PARP16: variants seen among roughly 807,000 people sequenced by gnomAD.
PARP16 encodes poly(ADP-ribose) polymerase family member 16, also known as protein mono-ADP-ribosyltransferase PARP16.
PARP16 carries 31 observed loss-of-function variants against 35.0 expected under a neutral mutation model. The ratio of observed to expected loss-of-function variants is 0.88; its 90% CI spans 0.66 to 1.19. The LOEUF is 1.19. Among genes scored for constraint, PARP16 ranks in the 50% most tolerant of loss-of-function variants. PARP16 has a pLI of 0.00. For synonymous variants in PARP16, 162 were observed against 169.5 expected, an observed-to-expected ratio of 0.96 and a Z score of 0.34; for missense variants, 424 against 411.2, an observed-to-expected ratio of 1.03 and a Z score of -0.27.
At position 65,250,084 on chromosome 15, in the gene PARP16, G is replaced by C. The variant is rs2089315139; in HGVS notation, c.203-1856C>G. ...CTTCTTTGCTCAGACAGCCCCTCTA[G>C]CTGCAGCCTTGCACCTGCTTGCCTT... On this transcript the variant is annotated intron_variant and NMD_transcript_variant, in intron 2 of 3. Transcript: ENST00000559805. 2.8e-5 allele frequency among the ~76,000 whole-genome samples: 4 copies of C among 145,170 alleles called. No individual in the cohort carries two copies. In the South Asian group the frequency reaches 8.6e-4, roughly 31 times the overall value.
downstream of PARP16, among the ~76,000 whole-genome samples, chr15:65,253,783 C>T (rs2089425242): frequency 1.3e-5 from 2 of 152,276 alleles, no homozygotes; most frequent in South Asian, 4.1e-4. Flanking sequence ...TAGTCCCTGT[C>T]CTCAAGGAGC....
chr15:65,250,740 C>T (rs963002374), intron 2 of PARP16, among the ~76,000 whole-genome samples: 4 of 152,170 alleles, frequency 2.6e-5, no homozygotes, highest in Admixed American at 6.5e-5. Flanking sequence ...TTGCTGCTTC[C>T]GGACTTTGAT....
chr15:65,278,765 A>G (rs2090333306), intron 1 of PARP16, among the ~76,000 whole-genome samples: 1 of 152,238 alleles, frequency 6.6e-6, no homozygotes. Flanking sequence ...GCAGCAGGAA[A>G]GAACAAACAT....
At chr15:65,276,163 T>C (rs1179729548) in intron 1 of PARP16, among the ~76,000 whole-genome samples, 2 of 152,164 alleles carry the variant, frequency 1.3e-5, no homozygotes, top group East Asian at 3.9e-4. Context: ...CAACTGACCT[T>C]CTTTATGTCC....
At chr15:65,267,998 AAC>A (rs894598737) in intron 2 of PARP16, among the ~76,000 whole-genome samples, 1 of 151,918 alleles carries the variant, frequency 6.6e-6, no homozygotes, top group African/African-American at 2.4e-5. Flanking sequence ...GCCACTTCCT[AAC>A]ACTTTTACAT....
At chr15:65,281,483 A>G (rs547102312) in intron 1 of PARP16, among the ~76,000 whole-genome samples, 4 of 152,276 alleles carry the variant, frequency 2.6e-5, no homozygotes, top group South Asian at 4.1e-4. Flanking sequence ...TGAGGTCAGG[A>G]GTTCAAAACC....
intron 1 of PARP16, among the ~76,000 whole-genome samples, chr15:65,280,262 C>T (rs1206748257): frequency 6.6e-6 from 1 of 151,676 alleles, no homozygotes; most frequent in African/African-American, 2.4e-5. Context: ...CATGGTGAAA[C>T]CCCATCTCTA....
At chr15:65,254,353 G>T (rs2089444427), downstream of PARP16, among the ~76,000 whole-genome samples, 2 of 152,186 alleles carry the variant, frequency 1.3e-5, no homozygotes. Flanking sequence ...CCAAATGTCA[G>T]GTTGGAGACG....
intron 3 of PARP16, among the ~76,000 whole-genome samples, chr15:65,242,766 G>A (rs2089112701): frequency 6.6e-6 from 1 of 152,010 alleles, no homozygotes; most frequent in South Asian, 2.1e-4. Flanking sequence ...CCAGGCTGGA[G>A]TGCAGTGGCA....
At chr15:65,280,192 T>C (rs1219310250) in intron 1 of PARP16, among the ~76,000 whole-genome samples, 1 of 151,836 alleles carries the variant, frequency 6.6e-6, no homozygotes, top group African/African-American at 2.4e-5. Flanking sequence ...ATCCCAGCAT[T>C]TTGGAAGGTT....
downstream of PARP16, among the ~76,000 whole-genome samples, chr15:65,253,756 G>C (rs2089424275): frequency 6.6e-6 from 1 of 152,120 alleles, no homozygotes; most frequent in East Asian, 1.9e-4. Context: ...TAGATACTTG[G>C]ATATACAAAG....
rs1229809754 is a variant in PARP16, at chr15:65,259,300, C to G, written c.*107G>C. 9.2e-7 allele frequency: 1 copy of G among 1,092,128 alleles called. No homozygotes were observed. The highest frequency in any genetic ancestry group is 1.6e-5 in the African/African-American group (1 of 64,080). The allele number at this position is 1,092,128 out of a possible 1,614,324, so 67.7% of individuals were successfully genotyped here. On this transcript the variant is annotated 3_prime_UTR_variant, in exon 6 of 6. Transcript: ENST00000649807. ...ATATGAAAATTGTCCTGTGGTCCCCCAACTGGCCCCTAGGCTCAACCTGGC... is the reference window on the plus strand; with the variant it reads ...ATATGAAAATTGTCCTGTGGTCCCCGAACTGGCCCCTAGGCTCAACCTGGC...
At chr15:65,273,339 A>G (rs988623957) in intron 1 of PARP16, among the ~76,000 whole-genome samples, 1 of 148,932 alleles carries the variant, frequency 6.7e-6, no homozygotes, top group Non-Finnish European at 1.5e-5. Flanking sequence ...ATTGACTATT[A>G]CTGACTTTGG....
At chr15:65,270,895 A>C in intron 2 of PARP16, 40 bp downstream of exon 2, 2 of 1,601,910 alleles carry the variant, frequency 1.2e-6, no homozygotes, top group Non-Finnish European at 1.7e-6. Context: ...TAGAGCCCTT[A>C]GGCCCCTAAA....
chr15:65,275,141 C>A (rs931015570), intron 1 of PARP16, among the ~76,000 whole-genome samples: 2 of 151,232 alleles, frequency 1.3e-5, no homozygotes, highest in African/African-American at 4.9e-5. Context: ...CATTCACTGT[C>A]GTAACAAAGT....
chr15:65,244,591 G>A (rs2089160996), intron 3 of PARP16, among the ~76,000 whole-genome samples: 1 of 152,178 alleles, frequency 6.6e-6, no homozygotes, highest in South Asian at 2.1e-4. Flanking sequence ...CAACACATGG[G>A]AATTATGGGA....
At chr15:65,283,040 A>T (rs932168994) in intron 1 of PARP16, among the ~76,000 whole-genome samples, 3 of 152,198 alleles carry the variant, frequency 2.0e-5, no homozygotes, top group Non-Finnish European at 4.4e-5. Context: ...TGTATCCCAT[A>T]TTCACCAAAC....
intron 2 of PARP16, among the ~76,000 whole-genome samples, chr15:65,268,288 T>G (rs78632620): frequency 0.02 from 3,059 of 152,274 alleles, 54 homozygotes; most frequent in African/African-American, 0.04. Context: ...TGTCCTGGCT[T>G]GTCTGCTATA....
chr15:65,265,509 G>A (rs1417783486), intron 3 of PARP16, among the ~76,000 whole-genome samples: 1 of 152,150 alleles, frequency 6.6e-6, no homozygotes, highest in African/African-American at 2.4e-5. Context: ...GCAGAGAAGT[G>A]GATAGATGAC....
Sources: gnomAD v4.1 joint callset for allele counts (sites outside exome capture counted in the v4.1 genomes callset) on GRCh38, gnomAD v4.1.1 for gene constraint, MANE v1.5 for transcripts, NCBI Gene and HGNC (gene_info 2026-07-23, HGNC 2026-07-21) for gene names.